The following HDHD2 variants were observed in gnomAD, a reference collection of about 807,000 sequenced individuals.
The protein encoded by HDHD2 is haloacid dehalogenase-like hydrolase domain-containing protein 2.
A neutral mutation model predicts 24.8 loss-of-function variants in HDHD2; 26 were observed. The observed-to-expected ratio is 1.05, with a 90% CI of 0.77 to 1.45. The LOEUF (loss-of-function observed/expected upper bound fraction) is 1.45, where lower values mean the gene tolerates loss of function less well. HDHD2 is among the 40% of genes most tolerant of loss of function. HDHD2 has a pLI of 0.00. For missense variants in HDHD2, 299 were observed against 313.4 expected (o/e 0.95, Z 0.35); for synonymous variants, 128 against 114.9 (o/e 1.11, Z -0.73).
Position 47,112,975 on chromosome 18 carries a change from A to G in HDHD2, c.676+2T>C, listed in dbSNP as rs1599921699. On this transcript the variant is annotated splice_donor_variant, in intron 6 of 6. Transcript: ENST00000300605. LOFTEE classifies it high-confidence loss of function. ...AAAATGCTTTATACAGAAGATACATACCAGTCTTTACTAAGATGCCCAGCA... is the reference window on the plus strand; with the variant it reads ...AAAATGCTTTATACAGAAGATACATGCCAGTCTTTACTAAGATGCCCAGCA... 1 of 1,611,312 alleles carries G rather than the reference A, an allele frequency of 6.2e-7. No homozygotes were observed. Among genetic ancestry groups the G allele is most frequent in the Non-Finnish European group, 8.5e-7 (1 of 1,177,450 alleles).
At chr18:47,147,709 C>A (rs188247280) in intron 1 of HDHD2, among the ~76,000 whole-genome samples, 3 of 152,300 alleles carry the variant, frequency 2.0e-5, no homozygotes, top group Admixed American at 1.3e-4. Context: ...ACATATTTAT[C>A]ATTTTAATCC....
chr18:47,127,086 G>A (rs934206903), intron 4 of HDHD2, among the ~76,000 whole-genome samples: 53 of 152,072 alleles, frequency 3.5e-4, no homozygotes, highest in African/African-American at 8.0e-4. Flanking sequence ...GCATGAACCC[G>A]GAAGGCGGAG....
chr18:47,120,641 G>A lies in HDHD2; in HGVS notation c.396-5293C>T, dbSNP rs57070137. On this transcript the variant is annotated intron_variant, in intron 4 of 6. Transcript: ENST00000300605. ...CATTCAAAACTTGGCTATTTGGCAC[G>A]AGAGACCTAGCTTTCAGCCTATCTC... Among the ~76,000 whole-genome samples the A allele has an allele frequency of 5.5e-3, 832 of 152,204 alleles. 8 individuals are homozygous for A. Among genetic ancestry groups the A allele is most frequent in the African/African-American group, 0.019 (796 of 41,496 alleles).
chr18:47,121,117 A>T (rs1422402981), intron 4 of HDHD2, among the ~76,000 whole-genome samples: 1 of 152,068 alleles, frequency 6.6e-6, no homozygotes, highest in Non-Finnish European at 1.5e-5. Flanking sequence ...AAAAAAAAAA[A>T]AAATGCAAGT....
intron 2 of HDHD2, among the ~76,000 whole-genome samples, chr18:47,135,188 A>C (rs1227509829): frequency 1.3e-5 from 2 of 152,178 alleles, no homozygotes; most frequent in Non-Finnish European, 2.9e-5. Flanking sequence ...AGCTCCTTGA[A>C]AGAAAGTGAG....
chr18:47,140,391 T>C (rs1409765276), intron 1 of HDHD2, among the ~76,000 whole-genome samples: 1 of 152,248 alleles, frequency 6.6e-6, no homozygotes, highest in Non-Finnish European at 1.5e-5. Flanking sequence ...CTTGCATATA[T>C]TTGTAGACAC....
In HDHD2 at chr18:47,128,770, G is replaced by A. The variant is rs555481499; in HGVS notation, c.395+1474C>T. 1.4e-3 allele frequency among the ~76,000 whole-genome samples: 210 copies of A among 152,250 alleles called. 1 individual carries two copies. Among genetic ancestry groups the A allele is most frequent in the Non-Finnish European group, 2.6e-3 (175 of 68,016 alleles). ...AAATTAATGTGCACACACGGTAAAC[G>A]GTGGCTGTTCTCAAACTGCTATTTC... On this transcript the variant is annotated intron_variant, in intron 4 of 6. Coordinates refer to ENST00000300605, the MANE Select transcript of HDHD2 (RefSeq NM_032124.5).
Position 47,115,270 on chromosome 18 carries a change from C to A in HDHD2, c.474G>T (p.Gly158=), listed in dbSNP as rs1449979291. The A allele has an allele frequency of 3.7e-6, 6 of 1,614,010 alleles. No homozygotes were observed. Among genetic ancestry groups the A allele is most frequent in the Non-Finnish European group, 3.4e-6 (4 of 1,179,914 alleles). ...CTAAAGCAGTCACAAATGGTCCAGG[C>A]CCCAGGGCTAAGCCATCTTTCCTCT... ...YYKRKDGLAL[G]PGPFVTALEY... is the part of the protein sequence containing the mutation. Residue 158 remains glycine (G), a synonymous_variant, in exon 5 of 7, where the codon GGG becomes GGT. Transcript: ENST00000300605.
chr18:47,143,481 C>T (rs78547658), intron 1 of HDHD2, among the ~76,000 whole-genome samples: 8,205 of 152,200 alleles, frequency 0.054, 278 homozygotes, highest in East Asian at 0.13. Context: ...CCTCATCACA[C>T]TAAAGACACA....
At chr18:47,128,873 G>A (rs953693867) in intron 4 of HDHD2, among the ~76,000 whole-genome samples, 12 of 152,180 alleles carry the variant, frequency 7.9e-5, no homozygotes, top group Admixed American at 2.0e-4. Flanking sequence ...GTGAACCTGG[G>A]TAGTGAGTTT....
Position 47,108,223 on chromosome 18 carries a change from C to G in HDHD2, c.*459G>C, listed in dbSNP as rs2063488806. ...TTTCTGTCTTCTCCATTTGGCACAT[C>G]TGATGGATTTCACAGTTGAACTCAA... is the stretch of plus-strand genomic sequence containing the variant. On this transcript the variant is annotated 3_prime_UTR_variant, in exon 7 of 7. Coordinates refer to ENST00000300605, the MANE Select transcript of HDHD2 (RefSeq NM_032124.5). 6.5e-6 allele frequency: 1 copy of G among 153,088 alleles called. No individual in the cohort carries two copies. 9.5% of individuals were successfully genotyped at this position (153,088 alleles called of 1,614,324 possible). A position where few individuals can be genotyped will look rare whatever the true frequency, so the allele number is the denominator to read the frequency against.
chr18:47,115,055 C>T, intron 5 of HDHD2, 77 bp downstream of exon 5: 1 of 985,552 alleles, frequency 1.0e-6, no homozygotes, highest in South Asian at 1.4e-5. Flanking sequence ...TGTCCCCTTT[C>T]CTAAAGCAGT....
intron 6 of HDHD2, chr18:47,111,586 G>A (rs762610504): frequency 7.1e-4 from 703 of 985,130 alleles, no homozygotes; most frequent in Non-Finnish European, 7.9e-4. Flanking sequence ...GGGCTGTTAC[G>A]TTCCTGGGAA....
At chr18:47,138,276 C>T (rs2063786759) in intron 1 of HDHD2, among the ~76,000 whole-genome samples, 1 of 146,254 alleles carries the variant, frequency 6.8e-6, no homozygotes, top group African/African-American at 2.5e-5. Flanking sequence ...AGTAATGGGA[C>T]AAACCAACAT....
intron 2 of HDHD2, among the ~76,000 whole-genome samples, chr18:47,135,299 T>C (rs1260281996): frequency 6.6e-6 from 1 of 150,882 alleles, no homozygotes; most frequent in East Asian, 2.0e-4. Context: ...TTCACTCTTG[T>C]TGCCCAGGCT....
At chr18:47,118,811 G>A (rs537050611) in intron 4 of HDHD2, among the ~76,000 whole-genome samples, 2 of 151,524 alleles carry the variant, frequency 1.3e-5, no homozygotes, top group African/African-American at 2.5e-5. Context: ...TTTTACAGAT[G>A]AGATCATCTG....
intron 1 of HDHD2, chr18:47,137,452 C>T (rs2063776768): frequency 4.5e-6 from 1 of 224,242 alleles, no homozygotes; most frequent in South Asian, 7.0e-5. Context: ...CTTTACAGTA[C>T]ACAAAGTAAC....
intron 6 of HDHD2, among the ~76,000 whole-genome samples, chr18:47,112,511 G>A (rs2063523485): frequency 6.6e-6 from 1 of 152,076 alleles, no homozygotes; most frequent in African/African-American, 2.4e-5. Flanking sequence ...CACCACAAAC[G>A]GTAAGTAAAG....
At chr18:47,110,529 T>C (rs1022335732) in intron 6 of HDHD2, 1 of 985,250 alleles carries the variant, frequency 1.0e-6, no homozygotes, top group African/African-American at 1.7e-5. Context: ...ATAAGCTTCC[T>C]AGCCATGGAG....
Sources: allele counts gnomAD v4.1 joint callset (sites outside exome capture counted in the v4.1 genomes callset), GRCh38; gene constraint gnomAD v4.1.1; transcripts MANE v1.5; gene names NCBI Gene and HGNC (gene_info 2026-07-23, HGNC 2026-07-21).